The following USP54 variants were observed in gnomAD, a reference collection of about 807,000 sequenced individuals.
USP54 encodes the protein ubiquitin carboxyl-terminal hydrolase 54.
USP54 carries 87 observed loss-of-function variants against 170.5 expected under a neutral mutation model. The ratio of observed to expected loss-of-function variants is 0.51; its 90% confidence interval spans 0.43 to 0.61. USP54 has a LOEUF of 0.61. Ranked by LOEUF, USP54 falls within the 20% of genes least tolerant of loss-of-function variation. The pLI is 0.00. For synonymous variants in USP54, 655 were observed against 742.8 expected, an observed-to-expected ratio of 0.88 and a Z score of 1.92; for missense variants, 1,786 against 2,047.8, an observed-to-expected ratio of 0.87 and a Z score of 2.47.
At chr10:73,552,713 C>T (rs2069803536) in intron 4 of USP54, among the ~76,000 whole-genome samples, 1 of 152,272 alleles carries the variant, frequency 6.6e-6, no homozygotes, top group East Asian at 1.9e-4. Context: ...ATTGCTTGAA[C>T]CCGGGAGGTG....
At chr10:73,608,792 G>A (rs900653656) in intron 1 of USP54, among the ~76,000 whole-genome samples, 3 of 152,178 alleles carry the variant, frequency 2.0e-5, no homozygotes, top group Non-Finnish European at 4.4e-5. Context: ...AGCTACACAG[G>A]AGGCTGAGGT....
At chr10:73,576,466 T>C (rs1233534501) in intron 1 of USP54, 105 bp from the exon 2 acceptor site, 2 of 145,134 alleles carry the variant, frequency 1.4e-5, no homozygotes, top group African/African-American at 5.1e-5. Flanking sequence ...CACTATAAAC[T>C]TGAAACCTTG....
Position 73,571,516 on chromosome 10 carries a change from G to A in USP54, c.148-3C>T. 4 of 1,610,674 alleles carry A rather than the reference G, an allele frequency of 2.5e-6. No individual in the cohort carries two copies. Among genetic ancestry groups the A allele is most frequent in the Non-Finnish European group, 3.4e-6 (4 of 1,177,746 alleles). ...AAGATATCCAAGTGCCACAAAACCTGATGAGAAAAGGAAAATATTTCATTA... is the reference window on the plus strand; with the variant it reads ...AAGATATCCAAGTGCCACAAAACCTAATGAGAAAAGGAAAATATTTCATTA... On this transcript the variant is annotated splice_region_variant and splice_polypyrimidine_tract_variant and intron_variant, in intron 3 of 23. Transcript: ENST00000687698.
rs2133290222 is a variant in USP54 at position 73,517,453 on chromosome 10, T to C, written c.2973A>G (p.Pro991=). The stretch of plus-strand genomic sequence containing the variant: ...GCAGCTTACCCTCTGGGGCATCCAA[T>C]GGCTCCCAACTATGATGAGAATTCT... ...TEKNSHHSWE[P]LDAPEGKLQG... is the part of the protein sequence containing the mutation. Residue 991 remains proline (P), a synonymous_variant, in exon 20 of 24, where the codon CCA becomes CCG. Transcript: ENST00000687698. 2 of 1,614,238 alleles carry C rather than the reference T, an allele frequency of 1.2e-6. No homozygotes were observed. Among genetic ancestry groups the C allele is most frequent in the South Asian group, 1.1e-5 (1 of 91,092 alleles).
chr10:73,583,863 T>C (rs2077171906), intron 1 of USP54, among the ~76,000 whole-genome samples: 1 of 152,220 alleles, frequency 6.6e-6, no homozygotes, highest in Admixed American at 6.5e-5. Flanking sequence ...AATAGTGTTA[T>C]ACCAATACTA....
rs2067606332 is a variant in USP54, at chr10:73,545,580, T to C, written c.333A>G (p.Gln111=). The change falls in exon 5 of 24, where the codon CAA becomes CAG. Residue 111 remains glutamine, a synonymous_variant. Transcript: ENST00000687698. ...SALAKTFQDE[Q]RFQLGIMDDA... ...CATCCATAATTCCCAGCTGGAAACG[T>C]TGTTCATCCTGGAAAGTCTTTGCCA... The C allele has an allele frequency of 4.3e-6, 7 of 1,614,050 alleles. No individual in the cohort carries two copies. In the South Asian group the frequency reaches 6.6e-5, roughly 15 times the overall value.
At chr10:73,516,290 A>T (rs2061069713) in intron 20 of USP54, 85 bp downstream of exon 20, 1 of 1,421,630 alleles carries the variant, frequency 7.0e-7, no homozygotes, top group Admixed American at 2.1e-5. Context: ...TAGTATCTGT[A>T]TAGAACACTC....
At chr10:73,574,260 TC>T (rs1474685201) in intron 3 of USP54, among the ~76,000 whole-genome samples, 1 of 152,064 alleles carries the variant, frequency 6.6e-6, no homozygotes, top group Non-Finnish European at 1.5e-5. Context: ...GAATTCACTT[TC>T]CCCTAGCTCT....
intron 19 of USP54, 145 bp from the exon 20 acceptor site, chr10:73,517,892 G>T: frequency 9.1e-7 from 1 of 1,093,720 alleles, no homozygotes; most frequent in Non-Finnish European, 1.3e-6. Context: ...AGTAGAGTCA[G>T]TAGTTCAGAG....
intron 1 of USP54, among the ~76,000 whole-genome samples, chr10:73,588,924 T>C (rs547572736): frequency 6.6e-6 from 1 of 152,232 alleles, no homozygotes; most frequent in South Asian, 2.1e-4. Context: ...CTTACAGTGA[T>C]AGGAACTACT....
chr10:73,584,593 T>C (rs528135904), intron 1 of USP54, among the ~76,000 whole-genome samples: 31 of 152,308 alleles, frequency 2.0e-4, no homozygotes, highest in African/African-American at 7.5e-4. Context: ...GGTAAGTAAA[T>C]GTAAAATGAT....
At chr10:73,515,484 A>G (rs896845264) in intron 20 of USP54, among the ~76,000 whole-genome samples, 1 of 152,198 alleles carries the variant, frequency 6.6e-6, no homozygotes, top group South Asian at 2.1e-4. Flanking sequence ...CTTCAGGTGC[A>G]GGCTCTACTC....
intron 1 of USP54, among the ~76,000 whole-genome samples, chr10:73,598,897 C>T (rs556252112): frequency 6.6e-5 from 10 of 150,538 alleles, no homozygotes; most frequent in Admixed American, 5.3e-4. Flanking sequence ...TCCAGCCTGG[C>T]GACAGAGAGA....
chr10:73,516,453 C>A lies in USP54; in HGVS notation c.3973G>T (p.Ala1325Ser), dbSNP rs765600201. 18 of 1,613,938 alleles carry A rather than the reference C, an allele frequency of 1.1e-5. No individual in the cohort carries two copies. Among genetic ancestry groups the A allele is most frequent in the Non-Finnish European group, 1.5e-5 (18 of 1,180,030 alleles). Residue 1325 changes from alanine to serine, a missense_variant, in exon 20 of 24, where the codon GCC becomes TCC. Physicochemically the swap from Ala to Ser is moderately conservative, Grantham distance 99 (BLOSUM62 1). Around this residue, in one of 3 missense-constraint regions of USP54, gnomAD observed 1,418 missense variants for 1,569.0 expected, o/e 0.90. Transcript: ENST00000687698. ...CCAGCTTGAGAAGCCTGAAGACTGG[C>A]CTGATACAGAGACTCCAATTCTGAG... ...ETSELESLYQ[A>S]SLQASQAGCS...
intron 20 of USP54, 126 bp downstream of exon 20, chr10:73,516,249 A>G: frequency 8.9e-7 from 1 of 1,122,430 alleles, no homozygotes; most frequent in South Asian, 1.6e-5. Flanking sequence ...AGTAAAGTCA[A>G]AAGTTCTATT....
At chr10:73,530,946 A>G in intron 12 of USP54, 111 bp from the exon 13 acceptor site, 1 of 1,466,582 alleles carries the variant, frequency 6.8e-7, no homozygotes. Flanking sequence ...GTACCCATGG[A>G]ACAGAAGCTG....
At chr10:73,513,014 G>C (rs1045644889) in intron 20 of USP54, among the ~76,000 whole-genome samples, 1 of 150,438 alleles carries the variant, frequency 6.6e-6, no homozygotes, top group African/African-American at 2.4e-5. Flanking sequence ...AACAACATGA[G>C]ACCCTGTCTC....
At chr10:73,530,009 T>C in intron 14 of USP54, 98 bp from the exon 15 acceptor site, 1 of 1,488,864 alleles carries the variant, frequency 6.7e-7, no homozygotes. Flanking sequence ...ACTTATTCAC[T>C]GAACTCATAT....
chr10:73,548,365 C>G (rs1405886841), intron 4 of USP54, among the ~76,000 whole-genome samples: 1 of 152,188 alleles, frequency 6.6e-6, no homozygotes, highest in African/African-American at 2.4e-5. Flanking sequence ...TTTGACCCAG[C>G]AATCCCTTTA....
Sources: gnomAD v4.1 joint callset for allele counts (sites outside exome capture counted in the v4.1 genomes callset) on GRCh38, gnomAD v4.1.1 for gene constraint, gnomAD v4.1.1 regional missense constraint, MANE v1.5 for transcripts, NCBI Gene and HGNC (gene_info 2026-07-23, HGNC 2026-07-21) for gene names.